The following CAMTA1 variants were observed in gnomAD, a reference collection of about 807,000 sequenced individuals.
The protein encoded by CAMTA1 is calmodulin-binding transcription activator 1.
Under a neutral mutation model 170.9 loss-of-function variants are expected in CAMTA1, and 27 were observed. The observed-to-expected ratio is 0.16, with a 90% CI of 0.12 to 0.22. The LOEUF is 0.22. Ranked by LOEUF, CAMTA1 falls within the 10% of genes least tolerant of loss-of-function variation. The pLI is 1.00. For missense variants in CAMTA1, 1,619 were observed against 2,217.2 expected (o/e 0.73, Z 5.42); for synonymous variants, 833 against 891.5 (o/e 0.93, Z 1.17).
intron 4 of CAMTA1, among the ~76,000 whole-genome samples, chr1:7,242,090 G>C (rs1430503177): frequency 6.6e-6 from 1 of 152,120 alleles, no homozygotes; most frequent in African/African-American, 2.4e-5. Flanking sequence ...TATGTAAAGA[G>C]CTCTTAAAAC....
chr1:6,826,688 G>A (rs1647158709), intron 3 of CAMTA1, among the ~76,000 whole-genome samples: 1 of 152,152 alleles, frequency 6.6e-6, no homozygotes, highest in Non-Finnish European at 1.5e-5. Context: ...TATATTTCCT[G>A]TGGAATTGGC....
At chr1:6,950,072 C>T (rs927028649) in intron 3 of CAMTA1, among the ~76,000 whole-genome samples, 1 of 152,258 alleles carries the variant, frequency 6.6e-6, no homozygotes, top group African/African-American at 2.4e-5. Context: ...GTGGGCCTTT[C>T]TCTCTGCTGG....
intron 6 of CAMTA1, among the ~76,000 whole-genome samples, chr1:7,509,045 C>T (rs901304545): frequency 3.3e-5 from 5 of 152,150 alleles, no homozygotes; most frequent in Non-Finnish European, 5.9e-5. Context: ...GTCCTGGGCT[C>T]CCTGGCTGCT....
rs74055118 is a variant in CAMTA1 at position 7,537,336 on chromosome 1, C to T, written c.510+69435C>T. ...AGGCAGTCGGCAAAGTGGCCTCCCCCACACCATGAAGGACGCTTTGAGCCC... is the reference window on the plus strand; with the variant it reads ...AGGCAGTCGGCAAAGTGGCCTCCCCTACACCATGAAGGACGCTTTGAGCCC... On this transcript the variant is annotated intron_variant, in intron 6 of 22. Coordinates refer to ENST00000303635, the MANE Select transcript of CAMTA1 (RefSeq NM_015215.4). 3.1e-3 allele frequency among the ~76,000 whole-genome samples: 472 copies of T among 152,362 alleles called. 3 individuals carry two copies. The highest frequency in any genetic ancestry group is 0.011 in the African/African-American group (460 of 41,588).
chr1:6,947,372 CTTTAAT>C (rs1687740154), intron 3 of CAMTA1, among the ~76,000 whole-genome samples: 1 of 151,124 alleles, frequency 6.6e-6, no homozygotes, highest in Non-Finnish European at 1.5e-5. Context: ...TTTCCATTGT[CTTTAAT>C]TTTTTTTTTT....
chr1:7,650,560 G>A (rs1472924521), intron 7 of CAMTA1, among the ~76,000 whole-genome samples: 2 of 152,170 alleles, frequency 1.3e-5, no homozygotes, highest in South Asian at 4.1e-4. Flanking sequence ...GTGTGATGTT[G>A]GGACGAAGCC....
At chr1:7,716,017 A>G (rs963095928) in intron 11 of CAMTA1, among the ~76,000 whole-genome samples, 1 of 152,218 alleles carries the variant, frequency 6.6e-6, no homozygotes, top group African/African-American at 2.4e-5. Flanking sequence ...ATGATGAATT[A>G]TAAAATTGTT....
At chr1:7,017,528 A>G (rs1016288003) in intron 3 of CAMTA1, among the ~76,000 whole-genome samples, 3 of 152,198 alleles carry the variant, frequency 2.0e-5, no homozygotes, top group Non-Finnish European at 2.9e-5. Context: ...GTAGGTTTCA[A>G]ACTTGAGGCT....
chr1:7,627,632 A>C (rs2095642250), intron 6 of CAMTA1, among the ~76,000 whole-genome samples: 1 of 152,060 alleles, frequency 6.6e-6, no homozygotes, highest in Non-Finnish European at 1.5e-5. Context: ...CAGAACCCAG[A>C]CTCGAACCTA....
intron 3 of CAMTA1, among the ~76,000 whole-genome samples, chr1:7,030,376 G>A (rs1702618051): frequency 6.6e-6 from 1 of 152,100 alleles, no homozygotes; most frequent in South Asian, 2.1e-4. Context: ...TCTTCCACAT[G>A]TTGACACGTT....
In CAMTA1 at chr1:7,752,538, A is replaced by G. The variant is rs762871304; in HGVS notation, c.4958+5A>G. The G allele has an allele frequency of 8.1e-6, 13 of 1,597,294 alleles. No homozygotes were observed. The African/African-American group carries it at 1.6e-4, about 20-fold the overall frequency. ...TCTTCGCCGCTGTCGCCACAGGTAC[A>G]CTAGTCCTTGTTTATACATTCTGCT... On this transcript the variant is annotated splice_donor_5th_base_variant and intron_variant, in intron 21 of 22. Coordinates refer to ENST00000303635, the MANE Select transcript of CAMTA1 (RefSeq NM_015215.4).
Position 7,306,962 on chromosome 1 carries a change from G to A in CAMTA1, c.438+57336G>A, listed in dbSNP as rs114527595. Among the ~76,000 whole-genome samples, 777 of 152,010 alleles carry A rather than the reference G, an allele frequency of 5.1e-3. 4 individuals are homozygous for A. Among genetic ancestry groups the A allele is most frequent in the African/African-American group, 0.018 (749 of 41,514 alleles). On this transcript the variant is annotated intron_variant, in intron 5 of 22. Transcript: ENST00000303635. ...TCTAGAGATGATTTAAAGTATATGG[G>A]AGGGTAAGCATAGGTTATATGCAAA...
intron 1 of CAMTA1, among the ~76,000 whole-genome samples, chr1:6,818,217 A>G (rs1193110522): frequency 6.6e-6 from 1 of 152,118 alleles, no homozygotes; most frequent in Non-Finnish European, 1.5e-5. Context: ...GACACCTGTG[A>G]TCCCAGCTAC....
At chr1:7,725,047 C>CA (rs1475425590) in intron 11 of CAMTA1, among the ~76,000 whole-genome samples, 1 of 152,008 alleles carries the variant, frequency 6.6e-6, no homozygotes, top group Non-Finnish European at 1.5e-5. Flanking sequence ...GCTGCTTCCA[C>CA]AAAAAAGGAG....
Position 7,732,332 on chromosome 1 carries a change from G to T in CAMTA1, c.2915-116G>T. 1 of 822,126 alleles carries T rather than the reference G, an allele frequency of 1.2e-6. No homozygotes were observed. Among genetic ancestry groups the T allele is most frequent in the Non-Finnish European group, 2.0e-6 (1 of 491,824 alleles). The allele number at this position is 822,126 out of a possible 1,614,324, so 50.9% of individuals were successfully genotyped here. A position where few individuals can be genotyped will look rare whatever the true frequency, so the allele number is the denominator to read the frequency against. On this transcript the variant is annotated intron_variant, in intron 11 of 22. Transcript: ENST00000303635. The surrounding 1 kb of genome is among the most constrained non-coding windows in gnomAD (Gnocchi z 4.1). ...AACTCTGGCTGGCGGAGACCTCTCT[G>T]GTTTGGTGAAGTTACGGACGGCATT... is the stretch of plus-strand genomic sequence containing the variant.
chr1:7,165,059 A>C (rs560916686), intron 4 of CAMTA1, among the ~76,000 whole-genome samples: 43 of 152,388 alleles, frequency 2.8e-4, no homozygotes, highest in Admixed American at 6.5e-4. Flanking sequence ...TAAAGTAGAC[A>C]TCACTGCCTA....
intron 3 of CAMTA1, among the ~76,000 whole-genome samples, chr1:6,890,239 C>G (rs1674217826): frequency 6.6e-6 from 1 of 152,206 alleles, no homozygotes; most frequent in Non-Finnish European, 1.5e-5. Flanking sequence ...GGCATTGACT[C>G]AGTACCAGCT....
intron 5 of CAMTA1, among the ~76,000 whole-genome samples, chr1:7,331,361 C>T (rs747036199): frequency 6.6e-5 from 10 of 152,204 alleles, no homozygotes; most frequent in East Asian, 5.8e-4. Context: ...AGCCCTCATG[C>T]GGGTCTCAGG....
chr1:7,413,235 GC>G (rs1305349372), intron 5 of CAMTA1, among the ~76,000 whole-genome samples: 1 of 152,168 alleles, frequency 6.6e-6, no homozygotes, highest in Admixed American at 6.5e-5. Flanking sequence ...ACTTGGTGAT[GC>G]GGGCTCTTTT....
Sources: gnomAD v4.1 joint callset for allele counts (sites outside exome capture counted in the v4.1 genomes callset) on GRCh38, gnomAD v4.1.1 for gene constraint, Gnocchi (gnomAD v3.1) non-coding constraint, MANE v1.5 for transcripts, NCBI Gene and HGNC (gene_info 2026-07-23, HGNC 2026-07-21) for gene names.